LPIN2: variants seen among roughly 807,000 people sequenced by gnomAD.
The protein encoded by LPIN2 is phosphatidate phosphatase LPIN2.
A neutral mutation model predicts 111.4 loss-of-function variants in LPIN2; 55 were observed. The observed-to-expected ratio is 0.49, with a 90% CI of 0.40 to 0.62. LPIN2 has a LOEUF of 0.62. LPIN2 is among the 20% of genes least tolerant of loss of function. The probability of loss-of-function intolerance (pLI) is 0.00; values close to 1 mark genes in which losing one functional copy is unlikely to be tolerated. For missense variants in LPIN2, 992 were observed against 1,112.1 expected, an observed-to-expected ratio of 0.89 and a Z score of 1.54; for synonymous variants, 425 against 414.0, an observed-to-expected ratio of 1.03 and a Z score of -0.32.
In LPIN2 at chr18:2,919,566, G is replaced by C. The variant is rs1309450157; in HGVS notation, c.*727C>G. On this transcript the variant is annotated 3_prime_UTR_variant, in exon 20 of 20. Coordinates refer to ENST00000677752, the MANE Select transcript of LPIN2 (RefSeq NM_001375808.2). ...GACCCACCTTCCCACTTTTATTACA[G>C]ACATCAAATATATACTTGTGAGACC... The C allele has an allele frequency of 6.6e-6, 1 of 152,560 alleles. No homozygotes were observed. Among genetic ancestry groups the C allele is most frequent in the Non-Finnish European group, 1.5e-5 (1 of 68,334 alleles). 9.5% of individuals were successfully genotyped at this position (152,560 alleles called of 1,614,324 possible).
rs2077312629 is a variant in LPIN2, at chr18:2,937,922, T to C, written c.938A>G (p.Lys313Arg). 1.2e-6 allele frequency: 2 copies of C among 1,614,056 alleles called. No homozygotes were observed. The highest frequency in any genetic ancestry group is 1.7e-5 in the Admixed American group (1 of 60,000). The change falls in exon 7 of 20, where the codon AAG becomes AGG. Residue 313 changes from lysine to arginine, a missense_variant. Physicochemically the swap from Lys to Arg is conservative, Grantham distance 26. Coordinates refer to ENST00000677752, the MANE Select transcript of LPIN2 (RefSeq NM_001375808.2). ...GACAGTGTCTTCCATGGAAGCATCCTTCTCAACTTCACTGATGAGGTTGTC... is the reference window on the plus strand; with the variant it reads ...GACAGTGTCTTCCATGGAAGCATCCCTCTCAACTTCACTGATGAGGTTGTC... ...SEDNLISEVEKDASMEDTVCT... is the reference protein window; with the variant it reads ...SEDNLISEVERDASMEDTVCT...
intron 15 of LPIN2, 50 bp downstream of exon 15, chr18:2,924,348 C>T (rs1598522365): frequency 1.2e-6 from 2 of 1,611,682 alleles, no homozygotes; most frequent in South Asian, 1.1e-5. Flanking sequence ...GCCTGCCCCT[C>T]CCTGAGCACG....
intron 4 of LPIN2, among the ~76,000 whole-genome samples, chr18:2,941,270 T>G (rs2077363908): frequency 1.3e-5 from 2 of 152,210 alleles, no homozygotes; most frequent in Non-Finnish European, 2.9e-5. Flanking sequence ...GGGACTAATT[T>G]TCTTCTTTGT....
rs1404047406 is a variant in LPIN2 at position 2,917,410 on chromosome 18, A to G, written c.*2883T>C. On this transcript the variant is annotated 3_prime_UTR_variant, in exon 20 of 20. Transcript: ENST00000677752. The stretch of plus-strand genomic sequence containing the variant: ...CAACTTGTAAAAAGTGAAAGAGCTG[A>G]CTTCCTTGTTTATTCTTTAAAGGGT... 6.6e-6 allele frequency: 1 copy of G among 152,142 alleles called. No homozygotes were observed. Among genetic ancestry groups the G allele is most frequent in the Non-Finnish European group, 1.5e-5 (1 of 68,028 alleles). The allele number at this position is 152,142 out of a possible 1,614,324, so 9.4% of individuals were successfully genotyped here.
At chr18:2,939,370 T>C (rs2077337349) in intron 6 of LPIN2, 110 bp downstream of exon 6, 4 of 1,332,612 alleles carry the variant, frequency 3.0e-6, no homozygotes, top group Non-Finnish European at 2.1e-6. Flanking sequence ...GCACTATCAT[T>C]TACATTCATG....
In LPIN2 at chr18:2,920,838, A is replaced by G. The variant is rs1417300833; in HGVS notation, c.2486T>C (p.Ile829Thr). The G allele has an allele frequency of 4.3e-6, 7 of 1,614,026 alleles. No individual in the cohort carries two copies. The highest frequency in any genetic ancestry group is 5.9e-6 in the Non-Finnish European group (7 of 1,180,006). The change falls in exon 19 of 20, where the codon ATA becomes ACA. Residue 829 changes from isoleucine to threonine, a missense_variant. By Grantham distance (89) the Ile-to-Thr change is moderately conservative. Around this residue, in one of 4 missense-constraint regions of LPIN2, gnomAD observed 185 missense variants for 186.5 expected, o/e 0.99. Coordinates refer to ENST00000677752, the MANE Select transcript of LPIN2 (RefSeq NM_001375808.2). ...YTQVGVPDCRIFTVNPKGELI... is the reference protein window; with the variant it reads ...YTQVGVPDCRTFTVNPKGELI... ...TTCACCCTTGGGGTTCACGGTGAAT[A>G]TTCTACAGTCTGGAACTCCAACTTG...
intron 8 of LPIN2, among the ~76,000 whole-genome samples, chr18:2,931,680 C>T (rs1199729739): frequency 1.3e-5 from 2 of 152,172 alleles, no homozygotes; most frequent in Non-Finnish European, 2.9e-5. Flanking sequence ...AAATACGTCA[C>T]AAAATCACCA....
At chr18:2,981,348 C>T (rs1424137133) in intron 1 of LPIN2, among the ~76,000 whole-genome samples, 1 of 152,222 alleles carries the variant, frequency 6.6e-6, no homozygotes, top group Non-Finnish European at 1.5e-5. Flanking sequence ...ATTAAGAAAA[C>T]TCATGCTTCT....
Position 2,924,545 on chromosome 18 carries a change from G to A in LPIN2, c.1940C>T (p.Ala647Val), listed in dbSNP as rs2077102755. Residue 647 changes from alanine (A) to valine (V), a missense_variant and splice_region_variant, in exon 15 of 20, where the codon GCA (alanine) becomes GTA (valine). By Grantham distance (64) the Ala-to-Val change is moderately conservative (BLOSUM62 0). Coordinates refer to ENST00000677752, the MANE Select transcript of LPIN2 (RefSeq NM_001375808.2). ...KSLRLSSDQI[A>V]KLKLHDGPND... ...TGGGCCATCGTGGAGCTTCAGTTTT[G>A]CCTTTTAAAAAAGCATAAGAATAAA... 4 of 1,614,076 alleles carry A rather than the reference G, an allele frequency of 2.5e-6. No individual in the cohort carries two copies. Among genetic ancestry groups the A allele is most frequent in the Non-Finnish European group, 3.4e-6 (4 of 1,179,980 alleles).
chr18:2,983,357 T>C (rs1156466262), intron 1 of LPIN2, among the ~76,000 whole-genome samples: 1 of 152,206 alleles, frequency 6.6e-6, no homozygotes. Context: ...GTACTGTATA[T>C]AACAAGCAGA....
rs886053760 is a variant in LPIN2, at chr18:2,919,931, A to G, written c.*362T>C. 2.9e-6 allele frequency: 1 copy of G among 345,784 alleles called. No homozygotes were observed. The highest frequency in any genetic ancestry group is 5.6e-6 in the Non-Finnish European group (1 of 177,548). The allele number at this position is 345,784 out of a possible 1,614,324, so 21.4% of individuals were successfully genotyped here. ...ACCTCAACTGCCCAGTGGAAACTGG[A>G]ACACTTCACTGTGTGCAGTGTTTTG... On this transcript the variant is annotated 3_prime_UTR_variant, in exon 20 of 20. Transcript: ENST00000677752.
rs2144106201 is a variant in LPIN2 at position 2,919,658 on chromosome 18, C to A, written c.*635G>T. 6.3e-6 allele frequency: 1 copy of A among 159,002 alleles called. No homozygotes were observed. The highest frequency in any genetic ancestry group is 1.9e-4 in the East Asian group (1 of 5,368). The allele number at this position is 159,002 out of a possible 1,614,324, so 9.8% of individuals were successfully genotyped here. On this transcript the variant is annotated 3_prime_UTR_variant, in exon 20 of 20. Transcript: ENST00000677752. ...TTGTCACAGATGAGAGGAGGATGCT[C>A]TGTGGGGATCTTTCCCCAAAGAGGG...
chr18:3,010,226 C>G (rs1001938591), intron 1 of LPIN2, among the ~76,000 whole-genome samples: 2 of 150,400 alleles, frequency 1.3e-5, no homozygotes, highest in African/African-American at 2.5e-5. Flanking sequence ...AAGCTGACAG[C>G]AGGGGAGGTG....
intron 1 of LPIN2, among the ~76,000 whole-genome samples, 179 bp downstream of exon 1, chr18:3,012,908 G>T (rs1331825669): frequency 4.6e-5 from 7 of 151,458 alleles, no homozygotes; most frequent in Non-Finnish European, 1.0e-4. Flanking sequence ...ACTGGGACGC[G>T]AGGACCGGGA....
At chr18:3,006,600 G>A (rs2078519019) in intron 1 of LPIN2, among the ~76,000 whole-genome samples, 1 of 152,204 alleles carries the variant, frequency 6.6e-6, no homozygotes, top group Non-Finnish European at 1.5e-5. Flanking sequence ...CACTTTGGGA[G>A]GCCGAGGCAG....
rs539298497 is a variant in LPIN2 at position 2,942,979 on chromosome 18, C to T, written c.591-2267G>A. Among the ~76,000 whole-genome samples, 10 of 152,302 alleles carry T rather than the reference C, an allele frequency of 6.6e-5. No individual in the cohort carries two copies. The South Asian group carries it at 1.0e-3, about 16-fold the overall frequency. On this transcript the variant is annotated intron_variant, in intron 4 of 19. Coordinates refer to ENST00000677752, the MANE Select transcript of LPIN2 (RefSeq NM_001375808.2). Reference sequence around the variant, plus strand: ...TGACTTTCAGTCAGGGCTGGGGGCTCGGAGGCTGAGGTTCACAGCCAGTGT... The same window carrying T: ...TGACTTTCAGTCAGGGCTGGGGGCTTGGAGGCTGAGGTTCACAGCCAGTGT...
intron 2 of LPIN2, among the ~76,000 whole-genome samples, chr18:2,958,679 T>C (rs1275978123): frequency 6.6e-6 from 1 of 152,168 alleles, no homozygotes. Context: ...AAATTCTCTT[T>C]TCCTGTGTCT....
chr18:2,920,898 C>G lies in LPIN2; in HGVS notation c.2443-17G>C. On this transcript the variant is annotated splice_polypyrimidine_tract_variant and intron_variant, in intron 18 of 19. Transcript: ENST00000677752. ...ATAGACATCCTGCAGAAGAAAATAG[C>G]AAGCGGGTGATTCCAGGGAGGAGAA... The G allele has an allele frequency of 1.3e-6, 2 of 1,552,666 alleles. No individual in the cohort carries two copies. The highest frequency in any genetic ancestry group is 1.8e-6 in the Non-Finnish European group (2 of 1,124,080).
chr18:2,971,030 G>A (rs2143292016), intron 1 of LPIN2, among the ~76,000 whole-genome samples: 1 of 152,270 alleles, frequency 6.6e-6, no homozygotes, highest in East Asian at 1.9e-4. Flanking sequence ...TGGCGGCCCA[G>A]ACCTTTACTC....
Sources: allele counts gnomAD v4.1 joint callset (sites outside exome capture counted in the v4.1 genomes callset), GRCh38; gene constraint gnomAD v4.1.1; regional missense constraint gnomAD v4.1.1; transcripts MANE v1.5; gene names NCBI Gene and HGNC (gene_info 2026-07-23, HGNC 2026-07-21).